The following SPAG4 variants were observed in gnomAD, a reference collection of about 807,000 sequenced individuals.
The protein encoded by SPAG4 is sperm-associated antigen 4 protein.
In SPAG4, 54 loss-of-function variants were observed where a neutral mutation model predicts 53.9. The observed-to-expected ratio is 1.00, with a 90% CI of 0.80 to 1.26. SPAG4 has a LOEUF of 1.26. SPAG4 is among the 50% of genes most tolerant of loss of function. SPAG4 has a pLI of 0.00. For missense variants in SPAG4, 548 were observed against 568.6 expected (o/e 0.96, Z 0.37); for synonymous variants, 246 against 237.4 (o/e 1.04, Z -0.33).
intron 5 of SPAG4, 116 bp downstream of exon 5, chr20:35,618,246 C>A (rs2031453894): frequency 4.3e-6 from 5 of 1,170,790 alleles, no homozygotes; most frequent in South Asian, 1.4e-5. Flanking sequence ...AGGCTACAAT[C>A]CTTAAGAAAG....
chr20:35,618,547 G>A, intron 6 of SPAG4, 65 bp from the exon 7 acceptor site: 7 of 1,602,344 alleles, frequency 4.4e-6, no homozygotes, highest in Non-Finnish European at 5.1e-6. Context: ...GAAGGCGTGG[G>A]GGCCTTTGGG....
intron 1 of SPAG4, 65 bp from the exon 2 acceptor site, chr20:35,617,071 C>A (rs2031410638): frequency 1.9e-6 from 2 of 1,068,300 alleles, no homozygotes; most frequent in African/African-American, 3.1e-5. Context: ...ATCTGCGGCC[C>A]GGTCTCGAGG....
chr20:35,620,608 CAA>C (rs751014600), intron 10 of SPAG4, 74 bp from the exon 11 acceptor site: 2 of 645,890 alleles, frequency 3.1e-6, no homozygotes, highest in African/African-American at 3.7e-5. Context: ...AGATCCTCAG[CAA>C]AGTTTTCTTC....
In SPAG4 at chr20:35,618,603, C is replaced by G; in HGVS notation, c.609-9C>G. 6.3e-7 allele frequency: 1 copy of G among 1,598,816 alleles called. No homozygotes were observed. Among genetic ancestry groups the G allele is most frequent in the Non-Finnish European group, 8.5e-7 (1 of 1,172,638 alleles). ...AGCCAACCCCACGGCGCCCACCTCC[C>G]ACCTCCAGTGAGTACCACGAGCGCG... On this transcript the variant is annotated splice_polypyrimidine_tract_variant and intron_variant, in intron 6 of 11. Coordinates refer to ENST00000374273, the MANE Select transcript of SPAG4 (RefSeq NM_003116.3).
intron 2 of SPAG4, 117 bp downstream of exon 2, chr20:35,617,357 T>A: frequency 1.1e-6 from 1 of 943,146 alleles, no homozygotes; most frequent in African/African-American, 1.7e-5. Context: ...GAGCCTCAAC[T>A]CATTCCTAGC....
At chr20:35,617,265 C>A in intron 2 of SPAG4, 25 bp downstream of exon 2, 1 of 1,492,022 alleles carries the variant, frequency 6.7e-7, no homozygotes, top group Non-Finnish European at 9.2e-7. Flanking sequence ...AGCTGCGATC[C>A]CCTCTGACCC....
chr20:35,617,442 T>G lies in SPAG4; in HGVS notation c.410-78T>G, dbSNP rs530668547. 9.5e-6 allele frequency: 11 copies of G among 1,158,960 alleles called. No individual in the cohort carries two copies. The African/African-American group carries it at 1.6e-4, about 16-fold the overall frequency. The allele number at this position is 1,158,960 out of a possible 1,614,324, so 71.8% of individuals were successfully genotyped here. ...CCCCCGGCCCCTCCCAAGCCCCTTC[T>G]GAACCCGGACACCACGCAGGCTGAG... On this transcript the variant is annotated intron_variant, in intron 2 of 11. Coordinates refer to ENST00000374273, the MANE Select transcript of SPAG4 (RefSeq NM_003116.3).
intron 10 of SPAG4, among the ~76,000 whole-genome samples, chr20:35,620,012 G>A: frequency 6.6e-6 from 1 of 152,102 alleles, no homozygotes; most frequent in East Asian, 1.9e-4. Context: ...TGTCACCCAG[G>A]CTGCTGGAGT....
intron 1 of SPAG4, 37 bp from the exon 2 acceptor site, chr20:35,617,099 T>A (rs540401470): frequency 5.1e-6 from 7 of 1,376,682 alleles, no homozygotes; most frequent in Non-Finnish European, 7.1e-6. Flanking sequence ...AGGTCTGTGG[T>A]CCGCAAGGCC....
Position 35,619,277 on chromosome 20 carries a change from G to T in SPAG4, c.876G>T (p.Trp292Cys), listed in dbSNP as rs1416426348. The change falls in exon 9 of 12, where the codon TGG becomes TGT. Residue 292 changes from tryptophan to cysteine, a missense_variant. Coordinates refer to ENST00000374273, the MANE Select transcript of SPAG4 (RefSeq NM_003116.3). ...TAYFWNRFSF[W>C]NYARPPTVIL... The stretch of plus-strand genomic sequence containing the variant: ...ACTTCTGGAATCGCTTCAGCTTCTG[G>T]AACTACGCACGGCCGCCCACGGTTA... 1 of 1,614,102 alleles carries T rather than the reference G, an allele frequency of 6.2e-7. No homozygotes were observed. The highest frequency in any genetic ancestry group is 8.5e-7 in the Non-Finnish European group (1 of 1,179,996).
Position 35,619,649 on chromosome 20 carries a change from G to A in SPAG4, c.980G>A (p.Gly327Asp). 6.2e-7 allele frequency: 1 copy of A among 1,614,050 alleles called. No individual in the cohort carries two copies. The highest frequency in any genetic ancestry group is 1.1e-5 in the South Asian group (1 of 91,090). Residue 327 changes from glycine to aspartate, a missense_variant, in exon 10 of 12, where the codon GGC becomes GAC. Gly to Asp is a moderately conservative substitution (Grantham distance 94). Coordinates refer to ENST00000374273, the MANE Select transcript of SPAG4 (RefSeq NM_003116.3). The part of the protein sequence containing the change: ...DQGQVVIQLP[G>D]RVQLSDITLQ... ...GGCCAGGTGGTGATCCAACTGCCGG[G>A]CCGAGTGCAGCTGAGCGACATCACT...
rs575283822 is a variant in SPAG4, at chr20:35,618,631, C to T, written c.628C>T (p.Arg210Cys). Reference sequence around the variant, plus strand: ...CTCCAGTGAGTACCACGAGCGCGTGCGCTCCCAGGGGCAGCAGCTGCAGCA... The same window carrying T: ...CTCCAGTGAGTACCACGAGCGCGTGTGCTCCCAGGGGCAGCAGCTGCAGCA... The part of the protein sequence containing the change: ...LTLSEYHERV[R>C]SQGQQLQQLQ... Residue 210 changes from arginine to cysteine, a missense_variant, in exon 7 of 12, where the codon CGC becomes TGC. By Grantham distance (180) the Arg-to-Cys change is radical. Transcript: ENST00000374273. 11 of 1,599,148 alleles carry T rather than the reference C, an allele frequency of 6.9e-6. No individual in the cohort carries two copies. The Admixed American group carries it at 1.7e-4, about 25-fold the overall frequency.
intron 7 of SPAG4, 73 bp from the exon 8 acceptor site, chr20:35,618,850 C>G: frequency 6.7e-7 from 1 of 1,496,554 alleles, no homozygotes; most frequent in Non-Finnish European, 9.3e-7. Context: ...CAACCAGCTC[C>G]CAGAGGTCCC....
Position 35,616,327 on chromosome 20 carries a change from C to A in SPAG4, c.304+20C>A, listed in dbSNP as rs763330154. 2.6e-6 allele frequency: 3 copies of A among 1,142,752 alleles called. No individual in the cohort carries two copies. Among genetic ancestry groups the A allele is most frequent in the East Asian group, 4.3e-5 (1 of 23,086 alleles). The allele number at this position is 1,142,752 out of a possible 1,614,324, so 70.8% of individuals were successfully genotyped here. On this transcript the variant is annotated intron_variant, in intron 1 of 11. Transcript: ENST00000374273. Reference sequence around the variant, plus strand: ...CCTCGGGTGCGGGCGGGGTCGACCCCGGGTGAGCCAGTGGAGGGGGCGGGG... The same window carrying A: ...CCTCGGGTGCGGGCGGGGTCGACCCAGGGTGAGCCAGTGGAGGGGGCGGGG...
chr20:35,618,908 C>T lies in SPAG4; in HGVS notation c.718-15C>T, dbSNP rs2031479159. Reference sequence around the variant, plus strand: ...CAAGCCTCGCCCCTCCAGGCCTCGCCCTCCCTCCTTGCAGAGAGTGGCCAA... The same window carrying T: ...CAAGCCTCGCCCCTCCAGGCCTCGCTCTCCCTCCTTGCAGAGAGTGGCCAA... On this transcript the variant is annotated splice_polypyrimidine_tract_variant and intron_variant, in intron 7 of 11. Transcript: ENST00000374273. 6.2e-7 allele frequency: 1 copy of T among 1,613,296 alleles called. No individual in the cohort carries two copies.
At chr20:35,617,691 C>T in intron 3 of SPAG4, 88 bp from the exon 4 acceptor site, 4 of 1,560,918 alleles carry the variant, frequency 2.6e-6, no homozygotes, top group Non-Finnish European at 2.6e-6. Flanking sequence ...CTGATTGAGT[C>T]ATGTTGGCAA....
At chr20:35,617,978 C>T (rs953621215) in intron 4 of SPAG4, 109 bp from the exon 5 acceptor site, 5 of 1,360,766 alleles carry the variant, frequency 3.7e-6, no homozygotes, top group Middle Eastern at 1.8e-4. Flanking sequence ...CAGACTCCCA[C>T]GGTCCTCCCC....
In SPAG4 at chr20:35,616,139, G is replaced by A. The variant is rs1379316816; in HGVS notation, c.136G>A (p.Glu46Lys). ...GLRSAEPGPGEPEGRRARGPS... is the reference protein window; with the variant it reads ...GLRSAEPGPGKPEGRRARGPS... The stretch of plus-strand genomic sequence containing the variant: ...CCGGTCAGCGGAGCCCGGGCCTGGG[G>A]AGCCCGAGGGCAGAAGAGCCCGGGG... The change falls in exon 1 of 12, where the codon GAG becomes AAG. Residue 46 changes from glutamate (E) to lysine (K), a missense_variant. Physicochemically the swap from Glu to Lys is moderately conservative, Grantham distance 56 (BLOSUM62 1). Transcript: ENST00000374273. The A allele has an allele frequency of 6.2e-7, 1 of 1,604,940 alleles. No homozygotes were observed. The highest frequency in any genetic ancestry group is 1.1e-5 in the South Asian group (1 of 90,354).
chr20:35,617,861 T>C, intron 4 of SPAG4, 21 bp downstream of exon 4: 1 of 1,610,966 alleles, frequency 6.2e-7, no homozygotes, highest in Non-Finnish European at 8.5e-7. Context: ...GTGAATTCCC[T>C]GGAGCCCCTG....
Sources: allele counts gnomAD v4.1 joint callset (sites outside exome capture counted in the v4.1 genomes callset), GRCh38; gene constraint gnomAD v4.1.1; transcripts MANE v1.5; gene names NCBI Gene and HGNC (gene_info 2026-07-23, HGNC 2026-07-21).